Variants in PLS1 observed in about 807,000 individuals in gnomAD.
The protein encoded by PLS1 is plastin-1.
In PLS1, 32 loss-of-function variants were observed where a neutral mutation model predicts 73.7. The observed-to-expected ratio is 0.43, with a 90% CI of 0.33 to 0.58. The LOEUF (loss-of-function observed/expected upper bound fraction) is 0.58. Ranked by LOEUF, PLS1 falls within the 20% of genes least tolerant of loss-of-function variation. The pLI, the probability that PLS1 is intolerant of heterozygous loss-of-function variation, is 0.04. For missense variants in PLS1, 633 were observed against 740.5 expected (o/e 0.85, Z 1.68); for synonymous variants, 217 against 261.3 (o/e 0.83, Z 1.63).
intron 1 of PLS1, among the ~76,000 whole-genome samples, chr3:142,602,763 A>C (rs1196124746): frequency 6.6e-6 from 1 of 151,950 alleles, no homozygotes; most frequent in Non-Finnish European, 1.5e-5. Flanking sequence ...CTCTCTTTCC[A>C]TTTCCTGGTT....
chr3:142,654,306 A>ATCCT (rs1468837328), intron 1 of PLS1, among the ~76,000 whole-genome samples: 1 of 152,222 alleles, frequency 6.6e-6, no homozygotes, highest in Non-Finnish European at 1.5e-5. Flanking sequence ...TGAAGGCTAT[A>ATCCT]TCATTAACTC....
At chr3:142,711,382 G>A (rs1039590898) in intron 14 of PLS1, 119 bp from the exon 15 acceptor site, 13 of 640,066 alleles carry the variant, frequency 2.0e-5, no homozygotes, top group Admixed American at 1.7e-4. Context: ...AAAGCTGAAC[G>A]TTAGGTTAAG....
At chr3:142,600,916 ATTTTTTT>A (rs1170933037) in intron 1 of PLS1, among the ~76,000 whole-genome samples, 5 of 14,836 alleles carry the variant, frequency 3.4e-4, no homozygotes, top group Non-Finnish European at 5.6e-4. Flanking sequence ...ATATATATAT[ATTTTTTT>A]TTTTTTTTTT....
intron 1 of PLS1, among the ~76,000 whole-genome samples, chr3:142,663,397 A>T (rs532575915): frequency 1.3e-5 from 2 of 151,900 alleles, no homozygotes; most frequent in Non-Finnish European, 2.9e-5. Context: ...GTTTTACATA[A>T]TTTTTTCCTC....
intron 1 of PLS1, among the ~76,000 whole-genome samples, chr3:142,598,847 A>C (rs1010852188): frequency 6.6e-6 from 1 of 152,044 alleles, no homozygotes; most frequent in Non-Finnish European, 1.5e-5. Flanking sequence ...AATACAAAAA[A>C]TTAGCTGGGG....
intron 5 of PLS1, among the ~76,000 whole-genome samples, chr3:142,677,523 A>G (rs1340598555): frequency 6.6e-6 from 1 of 152,100 alleles, no homozygotes; most frequent in African/African-American, 2.4e-5. Context: ...ACACACCTGT[A>G]ATCCCAGCTA....
chr3:142,608,348 A>G (rs1347419201), intron 1 of PLS1, among the ~76,000 whole-genome samples: 1 of 152,344 alleles, frequency 6.6e-6, no homozygotes, highest in East Asian at 1.9e-4. Flanking sequence ...TCACTGCTTT[A>G]AGAGAATGTT....
At chr3:142,669,034 TTTTTG>T (rs2037542710) in intron 2 of PLS1, among the ~76,000 whole-genome samples, 1 of 151,988 alleles carries the variant, frequency 6.6e-6, no homozygotes, top group Non-Finnish European at 1.5e-5. Context: ...ATATACAAAG[TTTTTG>T]TTTTGTTTTT....
chr3:142,653,287 T>C (rs1345525012), intron 1 of PLS1, among the ~76,000 whole-genome samples: 6 of 152,256 alleles, frequency 3.9e-5, no homozygotes, highest in Non-Finnish European at 8.8e-5. Context: ...ATATGCATAT[T>C]CTTACCCACC....
At position 142,712,329 on chromosome 3, in the gene PLS1, C is replaced by A; in HGVS notation, c.*322C>A. 5.4e-6 allele frequency: 1 copy of A among 185,934 alleles called. No homozygotes were observed. Among genetic ancestry groups the A allele is most frequent in the East Asian group, 1.3e-4 (1 of 7,730 alleles). The allele number at this position is 185,934 out of a possible 1,614,324, so 11.5% of individuals were successfully genotyped here. On this transcript the variant is annotated 3_prime_UTR_variant, in exon 16 of 16. Transcript: ENST00000457734. ...TTTTATGGTTCAAAAAAGATGAATA[C>A]AAACGTTTTTGCAGGTTCTGCTGTG...
At chr3:142,684,980 G>A (rs1265877437) in intron 8 of PLS1, among the ~76,000 whole-genome samples, 1 of 152,148 alleles carries the variant, frequency 6.6e-6, no homozygotes, top group East Asian at 1.9e-4. Flanking sequence ...AAGCCGGGTC[G>A]CTGTGACTTT....
intron 6 of PLS1, among the ~76,000 whole-genome samples, chr3:142,682,912 A>T (rs942892029): frequency 6.6e-6 from 1 of 152,198 alleles, no homozygotes; most frequent in African/African-American, 2.4e-5. Context: ...AAAATATTGA[A>T]GGCTTCTCTG....
intron 9 of PLS1, 54 bp downstream of exon 9, chr3:142,686,430 A>T (rs1175706752): frequency 8.5e-6 from 9 of 1,054,956 alleles, no homozygotes; most frequent in South Asian, 6.3e-5. Context: ...GACGTAGAAA[A>T]TTTACCATTT....
chr3:142,604,799 G>C (rs2035989961), intron 1 of PLS1, among the ~76,000 whole-genome samples: 1 of 152,080 alleles, frequency 6.6e-6, no homozygotes, highest in Non-Finnish European at 1.5e-5. Context: ...GCCAGGCGTG[G>C]TGGTGGGTGC....
At position 142,676,137 on chromosome 3, in the gene PLS1, C is replaced by T. The variant is rs1310594524; in HGVS notation, c.365-20C>T. On this transcript the variant is annotated intron_variant, in intron 4 of 15. Transcript: ENST00000457734. The stretch of plus-strand genomic sequence containing the variant: ...AAGTTTGTGAAATGAGATTTGCCTA[C>T]CAAGGTTTTCTCCTTTCAGAGGAAG... The T allele has an allele frequency of 1.9e-6, 3 of 1,602,712 alleles. No homozygotes were observed. In the African/African-American group the frequency reaches 4.0e-5, roughly 22 times the overall value.
In PLS1 at chr3:142,646,179, A is replaced by C. The variant is rs184391891; in HGVS notation, c.-36-18023A>C. Among the ~76,000 whole-genome samples, 141 of 152,284 alleles carry C rather than the reference A, an allele frequency of 9.3e-4. 1 individual carries two copies. Among genetic ancestry groups the C allele is most frequent in the Admixed American group, 8.6e-3 (132 of 15,296 alleles). On this transcript the variant is annotated intron_variant, in intron 1 of 15. Transcript: ENST00000457734. ...GAAGATTCGATGAGTCAATACATGT[A>C]GTACTTAGAACAGTGCTTGGCCTAT...
intron 1 of PLS1, among the ~76,000 whole-genome samples, chr3:142,612,317 C>T (rs534842534): frequency 5.2e-4 from 79 of 152,302 alleles, no homozygotes; most frequent in African/African-American, 1.8e-3. Context: ...GCTGGATTTA[C>T]AGTGTAATGA....
At chr3:142,686,218 G>C in intron 8 of PLS1, 66 bp from the exon 9 acceptor site, 1 of 954,306 alleles carries the variant, frequency 1.0e-6, no homozygotes, top group Non-Finnish European at 1.7e-6. Flanking sequence ...TTGAGCACTT[G>C]TTTTCCCTAA....
At chr3:142,605,737 G>A (rs79963729) in intron 1 of PLS1, among the ~76,000 whole-genome samples, 5,159 of 152,168 alleles carry the variant, frequency 0.034, 282 homozygotes, top group African/African-American at 0.12. Flanking sequence ...TGTATTTTAT[G>A]GCTAACCCTC....
Sources: allele counts gnomAD v4.1 joint callset (sites outside exome capture counted in the v4.1 genomes callset), GRCh38; gene constraint gnomAD v4.1.1; transcripts MANE v1.5; gene names NCBI Gene and HGNC (gene_info 2026-07-23, HGNC 2026-07-21).